The following CCNY variants were observed in gnomAD, a reference collection of about 807,000 sequenced individuals.
CCNY encodes cyclin-Y.
A neutral mutation model predicts 42.8 loss-of-function variants in CCNY; 19 were observed. The ratio of observed to expected loss-of-function variants is 0.44; its 90% CI spans 0.31 to 0.65. The LOEUF (loss-of-function observed/expected upper bound fraction) is 0.65, where lower values mean the gene tolerates loss of function less well. CCNY is among the 30% of genes least tolerant of loss of function. CCNY has a pLI of 0.07. For missense variants in CCNY, 370 were observed against 437.3 expected (o/e 0.85, Z 1.37); for synonymous variants, 165 against 162.7 (o/e 1.01, Z -0.11).
intron 8 of CCNY, among the ~76,000 whole-genome samples, chr10:35,556,022 C>G (rs1841356335): frequency 6.6e-6 from 1 of 152,148 alleles, no homozygotes; most frequent in Non-Finnish European, 1.5e-5. Flanking sequence ...TGTTAAAACT[C>G]TATTCCATAT....
chr10:35,430,361 A>T (rs1230519852), intron 1 of CCNY, among the ~76,000 whole-genome samples: 3 of 150,060 alleles, frequency 2.0e-5, no homozygotes, highest in Non-Finnish European at 4.4e-5. Context: ...AAAAAAAAAA[A>T]GTGATGAGAT....
At chr10:35,386,783 A>C (rs1419153423) in intron 1 of CCNY, among the ~76,000 whole-genome samples, 1 of 151,966 alleles carries the variant, frequency 6.6e-6, no homozygotes, top group African/African-American at 2.4e-5. Flanking sequence ...ATGCATTCTT[A>C]GATATGTCAA....
At chr10:35,453,841 G>GT (rs1838972668) in intron 1 of CCNY, among the ~76,000 whole-genome samples, 1 of 151,684 alleles carries the variant, frequency 6.6e-6, no homozygotes, top group Non-Finnish European at 1.5e-5. Context: ...AAGACCTATA[G>GT]TAAAAAAAAA....
rs377581300 is a variant in CCNY, at chr10:35,461,701, C to T, written c.155-21703C>T. On this transcript the variant is annotated intron_variant, in intron 1 of 9. Coordinates refer to ENST00000374704, the MANE Select transcript of CCNY (RefSeq NM_145012.6). Reference sequence around the variant, plus strand: ...GGGACCACTTGATGAAAATTTGAACCCAAGGTCTCTTTTGCTGCCCTTTTT... The same window carrying T: ...GGGACCACTTGATGAAAATTTGAACTCAAGGTCTCTTTTGCTGCCCTTTTT... Among the ~76,000 whole-genome samples the T allele has an allele frequency of 3.0e-4, 45 of 152,258 alleles. No individual in the cohort carries two copies. The East Asian group carries it at 6.2e-3, about 21-fold the overall frequency.
chr10:35,250,319 C>T (rs896270980), intron 2 of CCNY, among the ~76,000 whole-genome samples: 7 of 151,836 alleles, frequency 4.6e-5, no homozygotes, highest in Non-Finnish European at 7.4e-5. Context: ...GAGTCAAGAT[C>T]GCACCACTGC....
At chr10:35,398,709 C>G (rs1323720634) in intron 1 of CCNY, among the ~76,000 whole-genome samples, 3 of 152,066 alleles carry the variant, frequency 2.0e-5, no homozygotes, top group Non-Finnish European at 4.4e-5. Context: ...TGTCTAAAAA[C>G]AAAACAAAAC....
chr10:35,365,294 T>C (rs1836785860), intron 1 of CCNY, among the ~76,000 whole-genome samples: 1 of 152,226 alleles, frequency 6.6e-6, no homozygotes, highest in East Asian at 1.9e-4. Flanking sequence ...TATTTATATT[T>C]AACTTGTCCT....
At chr10:35,407,607 G>A (rs962302054) in intron 1 of CCNY, among the ~76,000 whole-genome samples, 1 of 152,162 alleles carries the variant, frequency 6.6e-6, no homozygotes, top group Non-Finnish European at 1.5e-5. Context: ...TGTCGAGTTT[G>A]TATTGGGGTC....
intron 9 of CCNY, among the ~76,000 whole-genome samples, chr10:35,568,524 C>T (rs944452026): frequency 1.3e-5 from 2 of 152,204 alleles, no homozygotes; most frequent in Admixed American, 6.5e-5. Context: ...GTCCCTCTTT[C>T]GGCAACCCTC....
chr10:35,380,940 A>C (rs1837169606), intron 1 of CCNY, among the ~76,000 whole-genome samples: 1 of 152,014 alleles, frequency 6.6e-6, no homozygotes, highest in Admixed American at 6.6e-5. Context: ...TTTGCAACTG[A>C]CTTTCTGGGC....
At chr10:35,247,467 C>T (rs1038713974) in intron 1 of CCNY, among the ~76,000 whole-genome samples, 1 of 151,968 alleles carries the variant, frequency 6.6e-6, no homozygotes, top group Non-Finnish European at 1.5e-5. Context: ...CACCTGTAGT[C>T]CCAGCTACTT....
chr10:35,487,810 G>C (rs1040584894), intron 2 of CCNY, among the ~76,000 whole-genome samples: 1 of 152,176 alleles, frequency 6.6e-6, no homozygotes, highest in South Asian at 2.1e-4. Context: ...CAGCAGAGAA[G>C]GGACCAAGAG....
At chr10:35,290,222 T>TCACACACC (rs1554774116) in intron 3 of CCNY, among the ~76,000 whole-genome samples, 12 of 122,962 alleles carry the variant, frequency 9.8e-5, no homozygotes, top group Admixed American at 3.4e-4. Context: ...CAAGACTCCA[T>TCACACACC]CACACACACA....
At chr10:35,482,881 G>A (rs1325326653) in intron 1 of CCNY, among the ~76,000 whole-genome samples, 1 of 151,510 alleles carries the variant, frequency 6.6e-6, no homozygotes, top group Non-Finnish European at 1.5e-5. Context: ...AACATGTCTG[G>A]GGCCCAGATT....
intron 1 of CCNY, among the ~76,000 whole-genome samples, chr10:35,424,877 A>G (rs1958398479): frequency 6.6e-6 from 1 of 152,192 alleles, no homozygotes; most frequent in South Asian, 2.1e-4. Flanking sequence ...CCTAATCCAC[A>G]CTGTCCTCCA....
rs559213185 is a variant in CCNY, at chr10:35,532,165, G to A, written c.579+1922G>A. Among the ~76,000 whole-genome samples the A allele has an allele frequency of 1.5e-3, 236 of 152,352 alleles. 1 individual carries two copies. The highest frequency in any genetic ancestry group is 5.4e-3 in the African/African-American group (224 of 41,588). ...CTGCTGTCTGCTGAGGCTCATCAGC[G>A]CAGCTGCATGCTTGTGGGTAGAGGG... On this transcript the variant is annotated intron_variant, in intron 7 of 9. Transcript: ENST00000374704.
intron 1 of CCNY, among the ~76,000 whole-genome samples, chr10:35,389,285 A>G (rs1837361927): frequency 6.6e-6 from 1 of 152,060 alleles, no homozygotes; most frequent in East Asian, 1.9e-4. Flanking sequence ...CAGACTTCTC[A>G]AGGTCAGGCA....
chr10:35,424,391 T>A (rs866958159), intron 1 of CCNY, among the ~76,000 whole-genome samples: 1 of 152,096 alleles, frequency 6.6e-6, no homozygotes, highest in African/African-American at 2.4e-5. Context: ...CACACCTGGC[T>A]AAGTTTATAT....
At chr10:35,475,779 C>T (rs1321959978) in intron 1 of CCNY, among the ~76,000 whole-genome samples, 1 of 150,914 alleles carries the variant, frequency 6.6e-6, no homozygotes, top group Non-Finnish European at 1.5e-5. Flanking sequence ...ATCAAATTCA[C>T]ACATAACACT....
Sources: gnomAD v4.1 joint callset for allele counts (sites outside exome capture counted in the v4.1 genomes callset) on GRCh38, gnomAD v4.1.1 for gene constraint, MANE v1.5 for transcripts, NCBI Gene and HGNC (gene_info 2026-07-23, HGNC 2026-07-21) for gene names.